The following ARHGAP26 variants were observed in gnomAD, a reference collection of about 807,000 sequenced individuals.
ARHGAP26 encodes Rho GTPase activating protein 26.
A neutral mutation model predicts 104.8 loss-of-function variants in ARHGAP26; 38 were observed. The observed-to-expected ratio is 0.36, with a 90% CI of 0.28 to 0.48. The LOEUF (loss-of-function observed/expected upper bound fraction) is 0.48. Ranked by LOEUF, ARHGAP26 falls within the 20% of genes least tolerant of loss-of-function variation. The pLI, the probability that ARHGAP26 is intolerant of heterozygous loss-of-function variation, is 0.99. For missense variants in ARHGAP26, 704 were observed against 947.9 expected, an observed-to-expected ratio of 0.74 and a Z score of 3.38; for synonymous variants, 341 against 340.0, an observed-to-expected ratio of 1.00 and a Z score of -0.03.
intron 5 of ARHGAP26, 131 bp downstream of exon 5, chr5:142,885,530 A>T: frequency 1.4e-6 from 1 of 692,582 alleles, no homozygotes; most frequent in Non-Finnish European, 2.4e-6. Context: ...ATTGCTCCTG[A>T]TCCCTCATCC....
chr5:143,070,658 C>T (rs1788106582), intron 17 of ARHGAP26, among the ~76,000 whole-genome samples: 1 of 152,150 alleles, frequency 6.6e-6, no homozygotes, highest in Admixed American at 6.5e-5. Context: ...GCCTATAATC[C>T]CAGCACTTTG....
intron 22 of ARHGAP26, chr5:143,216,325 A>G (rs1463478378): frequency 3.0e-5 from 14 of 470,254 alleles, no homozygotes; most frequent in Non-Finnish European, 3.1e-5. Flanking sequence ...CCCCCTCTTT[A>G]CAGAGCAGCG....
At chr5:142,953,337 C>T (rs927045196) in intron 11 of ARHGAP26, among the ~76,000 whole-genome samples, 2 of 152,200 alleles carry the variant, frequency 1.3e-5, no homozygotes, top group Non-Finnish European at 2.9e-5. Flanking sequence ...GCACTTATGC[C>T]GTAAATAGTT....
chr5:143,134,143 G>A (rs1468049897), intron 19 of ARHGAP26, 38 bp downstream of exon 19: 1 of 1,578,220 alleles, frequency 6.3e-7, no homozygotes, highest in African/African-American at 1.4e-5. Flanking sequence ...TGGCATTCAG[G>A]GACATCCCAT....
At chr5:142,812,724 G>T (rs1019837306) in intron 1 of ARHGAP26, among the ~76,000 whole-genome samples, 1 of 151,970 alleles carries the variant, frequency 6.6e-6, no homozygotes, top group African/African-American at 2.4e-5. Context: ...TTTTTTTAGC[G>T]ATGGGGTCTT....
At chr5:143,033,625 G>A (rs1287906997) in intron 12 of ARHGAP26, among the ~76,000 whole-genome samples, 1 of 152,026 alleles carries the variant, frequency 6.6e-6, no homozygotes, top group Non-Finnish European at 1.5e-5. Context: ...AACTTTTATC[G>A]ATGTTCAGAG....
chr5:143,208,259 C>T (rs992879586), intron 21 of ARHGAP26, among the ~76,000 whole-genome samples: 1 of 152,180 alleles, frequency 6.6e-6, no homozygotes. Context: ...CTGTGGAGCT[C>T]CTAAACGTGC....
chr5:143,163,432 GGTTT>G (rs368136971), intron 20 of ARHGAP26, among the ~76,000 whole-genome samples: 14,271 of 150,650 alleles, frequency 0.095, 640 homozygotes, highest in South Asian at 0.1. Flanking sequence ...AGGAGTTCTA[GGTTT>G]GTTTGTTTGT....
In ARHGAP26 at chr5:143,201,811, G is replaced by A. The variant is rs115533323; in HGVS notation, c.1989-5387G>A. ...CATGCATCTTTGCAGTACATAAAAT[G>A]TGCAGTAGTATTGTTGATAGGATTA... is the stretch of plus-strand genomic sequence containing the variant. On this transcript the variant is annotated intron_variant, in intron 20 of 22. Transcript: ENST00000645722. Among the ~76,000 whole-genome samples the A allele has an allele frequency of 3.4e-3, 512 of 152,318 alleles. 2 individuals carry two copies. Among genetic ancestry groups the A allele is most frequent in the African/African-American group, 0.012 (499 of 41,574 alleles).
At chr5:142,912,534 T>C (rs1208764864) in intron 9 of ARHGAP26, among the ~76,000 whole-genome samples, 1 of 152,172 alleles carries the variant, frequency 6.6e-6, no homozygotes, top group African/African-American at 2.4e-5. Context: ...AGTTGTACAG[T>C]TCAACATGTA....
intron 21 of ARHGAP26, among the ~76,000 whole-genome samples, chr5:143,213,657 C>T (rs1223545998): frequency 6.6e-6 from 1 of 151,694 alleles, no homozygotes; most frequent in African/African-American, 2.4e-5. Flanking sequence ...TGCTTCCCTC[C>T]CTTCCCCCAA....
chr5:143,035,673 C>T (rs188357005), intron 12 of ARHGAP26, among the ~76,000 whole-genome samples: 8 of 152,204 alleles, frequency 5.3e-5, no homozygotes, highest in African/African-American at 1.2e-4. Flanking sequence ...CGGTGGCTCA[C>T]GCCTGTAATC....
intron 20 of ARHGAP26, among the ~76,000 whole-genome samples, chr5:143,198,560 A>G (rs1562595264): frequency 6.6e-6 from 1 of 152,212 alleles, no homozygotes; most frequent in Admixed American, 6.5e-5. Context: ...TTTTCTGTAC[A>G]ATGAGCAATT....
In ARHGAP26 at chr5:143,057,679, C is replaced by A. The variant is rs370113595; in HGVS notation, c.1470C>A (p.His490Gln). 2 of 1,613,894 alleles carry A rather than the reference C, an allele frequency of 1.2e-6. No homozygotes were observed. Among genetic ancestry groups the A allele is most frequent in the Admixed American group, 1.7e-5 (1 of 60,004 alleles). ...AGGAGTCTCGGGTCTCTGAAATCCA[C>A]AGCCTTGTTCATCGGCTCCCAGAGA... ...ENQESRVSEI[H>Q]SLVHRLPEKN... is the part of the protein sequence containing the mutation. The change falls in exon 17 of 23, where the codon CAC becomes CAA. Residue 490 changes from histidine (H) to glutamine (Q), a missense_variant. By Grantham distance (24) the His-to-Gln change is conservative (BLOSUM62 0). Around this residue, in one of 6 missense-constraint regions of ARHGAP26, gnomAD observed 287 missense variants for 438.8 expected, o/e 0.65. Coordinates refer to ENST00000645722, the MANE Select transcript of ARHGAP26 (RefSeq NM_001135608.3).
intron 17 of ARHGAP26, among the ~76,000 whole-genome samples, chr5:143,076,069 A>G (rs916289270): frequency 4.0e-5 from 6 of 151,792 alleles, no homozygotes; most frequent in African/African-American, 1.5e-4. Context: ...GCACAATTAC[A>G]GGTTGCTGCA....
rs558123048 is a variant in ARHGAP26 at position 142,988,202 on chromosome 5, T to C, written c.1108-25878T>C. 2.0e-5 allele frequency among the ~76,000 whole-genome samples: 3 copies of C among 152,326 alleles called. No individual in the cohort carries two copies. The East Asian group carries it at 5.8e-4, about 29-fold the overall frequency. On this transcript the variant is annotated intron_variant, in intron 11 of 22. Coordinates refer to ENST00000645722, the MANE Select transcript of ARHGAP26 (RefSeq NM_001135608.3). The stretch of plus-strand genomic sequence containing the variant: ...TGGTCTATTCAGGGATTCAACTTCT[T>C]CCTGGTTTAGTCTTGGGAGGGTGTA...
At chr5:142,813,919 G>A (rs1203946661) in intron 1 of ARHGAP26, among the ~76,000 whole-genome samples, 1 of 152,232 alleles carries the variant, frequency 6.6e-6, no homozygotes, top group African/African-American at 2.4e-5. Flanking sequence ...TTCCTCAGGT[G>A]GGCCTCTGAG....
At chr5:142,773,189 TG>T (rs1755599811) in intron 1 of ARHGAP26, among the ~76,000 whole-genome samples, 1 of 152,196 alleles carries the variant, frequency 6.6e-6, no homozygotes, top group South Asian at 2.1e-4. Context: ...TTAATGTTTG[TG>T]TATTATTTTT....
chr5:142,936,108 AACACACACACAC>A lies in ARHGAP26; in HGVS notation c.1107+4010_1107+4021del, dbSNP rs149919795. 9.5e-3 allele frequency among the ~76,000 whole-genome samples: 1,325 copies of A among 139,836 alleles called. 3 individuals are homozygous for A. The highest frequency in any genetic ancestry group is 0.011 in the African/African-American group (421 of 38,106). 91.7% of individuals were successfully genotyped at this position (139,836 alleles called of 152,430 possible). ...ATTGTCTATGTAGAAAATCCCAAGGAACACACACACACACACACACACACACACACACACACA... is the reference window on the plus strand; with the variant it reads ...ATTGTCTATGTAGAAAATCCCAAGGAACACACACACACACACACACACACA... On this transcript the variant is annotated intron_variant, in intron 11 of 22. Transcript: ENST00000645722.
Sources: allele counts gnomAD v4.1 joint callset (sites outside exome capture counted in the v4.1 genomes callset), GRCh38; gene constraint gnomAD v4.1.1; regional missense constraint gnomAD v4.1.1; transcripts MANE v1.5; gene names NCBI Gene and HGNC (gene_info 2026-07-23, HGNC 2026-07-21).